The following STK33 variants were observed in gnomAD, a reference collection of about 807,000 sequenced individuals.
The protein encoded by STK33 is serine/threonine kinase 33.
In STK33, 52 loss-of-function variants were observed where a neutral mutation model predicts 58.0. That is an observed-to-expected ratio of 0.90 (90% confidence interval 0.72 to 1.13). The LOEUF is 1.13. STK33 is among the 50% of genes most tolerant of loss of function. The pLI, the probability that STK33 is intolerant of heterozygous loss-of-function variation, is 0.00. For missense variants in STK33, 630 were observed against 604.2 expected, an observed-to-expected ratio of 1.04 and a Z score of -0.45; for synonymous variants, 215 against 200.1, an observed-to-expected ratio of 1.07 and a Z score of -0.63.
At chr11:8,448,008 A>G (rs1359963896) in intron 11 of STK33, among the ~76,000 whole-genome samples, 1 of 152,150 alleles carries the variant, frequency 6.6e-6, no homozygotes, top group African/African-American at 2.4e-5. Context: ...CAGACAGCCA[A>G]ATCGTTAGTG....
chr11:8,584,953 A>T (rs539495974), intron 1 of STK33, among the ~76,000 whole-genome samples: 2 of 148,506 alleles, frequency 1.3e-5, no homozygotes, highest in South Asian at 4.2e-4. Flanking sequence ...GAGATGGAGT[A>T]TCACTGTCCC....
the STK33 span, among the ~76,000 whole-genome samples, chr11:8,366,438 A>G: frequency 1.3e-5 from 2 of 152,222 alleles, no homozygotes; most frequent in East Asian, 1.9e-4. Flanking sequence ...AAGGAGGGAC[A>G]AGAGCGACTT....
chr11:8,445,808 C>T (rs932977240), intron 11 of STK33, among the ~76,000 whole-genome samples: 231 of 152,216 alleles, frequency 1.5e-3, no homozygotes, highest in African/African-American at 5.4e-3. Context: ...ATTTTCACAT[C>T]GCTGTTCATC....
chr11:8,415,974 A>G (rs1941061560), intron 14 of STK33, among the ~76,000 whole-genome samples: 1 of 152,196 alleles, frequency 6.6e-6, no homozygotes, highest in East Asian at 1.9e-4. Flanking sequence ...TCAGTCCACA[A>G]GGCACACAAA....
intron 15 of STK33, among the ~76,000 whole-genome samples, chr11:8,410,470 C>CTTTTTTTTTTTTTTTTTTTT (rs11382344): frequency 1.5e-4 from 18 of 121,842 alleles, no homozygotes; most frequent in East Asian, 4.9e-4. Context: ...CTTTTCTTTT[C>CTTTTTTTTTTTTTTTTTTTT]TTTTTTTTTT....
chr11:8,574,938 AG>A (rs1958075520), intron 1 of STK33, among the ~76,000 whole-genome samples: 1 of 152,042 alleles, frequency 6.6e-6, no homozygotes. Flanking sequence ...CCAGCTACAA[AG>A]GAGGCTGAGG....
chr11:8,398,580 CATA>C (rs990736840), intron 15 of STK33, among the ~76,000 whole-genome samples: 2 of 152,166 alleles, frequency 1.3e-5, no homozygotes, highest in African/African-American at 4.8e-5. Flanking sequence ...CAGCTAATAT[CATA>C]ATGACAGGAT....
intron 8 of STK33, 79 bp from the exon 9 acceptor site, chr11:8,457,558 A>G (rs980880125): frequency 2.5e-6 from 3 of 1,180,392 alleles, no homozygotes; most frequent in Non-Finnish European, 3.5e-6. Context: ...TCACATATAC[A>G]ATCACAGTCA....
chr11:8,428,179 G>A (rs1942999261), intron 14 of STK33, among the ~76,000 whole-genome samples: 2 of 152,194 alleles, frequency 1.3e-5, no homozygotes, highest in African/African-American at 4.8e-5. Context: ...AGAGTTTGGA[G>A]GCCAAGAGGT....
At chr11:8,468,860 G>T (rs117337072) in intron 6 of STK33, among the ~76,000 whole-genome samples, 1 of 151,960 alleles carries the variant, frequency 6.6e-6, no homozygotes, top group Non-Finnish European at 1.5e-5. Flanking sequence ...AGCAAAAATT[G>T]CAATAAAGCA....
intron 14 of STK33, among the ~76,000 whole-genome samples, chr11:8,419,299 T>C (rs902635315): frequency 6.6e-6 from 1 of 152,230 alleles, no homozygotes; most frequent in Non-Finnish European, 1.5e-5. Flanking sequence ...CTTCTGCATA[T>C]GGCTAGCCAG....
the STK33 span, among the ~76,000 whole-genome samples, chr11:8,376,231 G>A: frequency 6.6e-6 from 1 of 152,204 alleles, no homozygotes; most frequent in African/African-American, 2.4e-5. Flanking sequence ...TCCTGGGCAG[G>A]AGGGGGCAGA....
intron 1 of STK33, among the ~76,000 whole-genome samples, chr11:8,546,199 T>G (rs139401739): frequency 6.6e-6 from 1 of 152,232 alleles, no homozygotes; most frequent in Admixed American, 6.5e-5. Context: ...GCACAGGTCA[T>G]TATTGCATAC....
chr11:8,429,720 T>TA (rs568634082), intron 14 of STK33, among the ~76,000 whole-genome samples: 261 of 152,242 alleles, frequency 1.7e-3, no homozygotes, highest in African/African-American at 6.1e-3. Flanking sequence ...CACTAACTGA[T>TA]AGAGTCTCAA....
intron 1 of STK33, among the ~76,000 whole-genome samples, chr11:8,516,981 T>C (rs946606481): frequency 6.6e-6 from 1 of 152,184 alleles, no homozygotes; most frequent in African/African-American, 2.4e-5. Flanking sequence ...TTGAAGACAG[T>C]AGCGGTTCTC....
At chr11:8,532,938 G>A (rs1954668956) in intron 1 of STK33, among the ~76,000 whole-genome samples, 1 of 152,134 alleles carries the variant, frequency 6.6e-6, no homozygotes, top group Non-Finnish European at 1.5e-5. Context: ...ATATGCAAAT[G>A]TTTCACACTC....
At chr11:8,353,625 A>T in the STK33 span, among the ~76,000 whole-genome samples, 1 of 152,058 alleles carries the variant, frequency 6.6e-6, no homozygotes, top group East Asian at 1.9e-4. Flanking sequence ...CCCCACCTTA[A>T]GTTACAACCA....
At chr11:8,564,979 A>G (rs1003443056) in intron 1 of STK33, among the ~76,000 whole-genome samples, 10 of 152,214 alleles carry the variant, frequency 6.6e-5, no homozygotes, top group Non-Finnish European at 1.5e-4. Flanking sequence ...TAAAGTGACA[A>G]AAGTACACTG....
chr11:8,555,726 A>C (rs1380647718), intron 1 of STK33, among the ~76,000 whole-genome samples: 1 of 151,700 alleles, frequency 6.6e-6, no homozygotes, highest in Non-Finnish European at 1.5e-5. Flanking sequence ...ATCTTACCAC[A>C]AAAAAAAGTG....
Sources: allele counts gnomAD v4.1 joint callset (sites outside exome capture counted in the v4.1 genomes callset), GRCh38; gene constraint gnomAD v4.1.1; transcripts MANE v1.5; gene names NCBI Gene and HGNC (gene_info 2026-07-23, HGNC 2026-07-21).